PALD1: variants seen among roughly 807,000 people sequenced by gnomAD.
The protein encoded by PALD1 is phosphatase domain containing paladin 1.
Under a neutral mutation model 96.0 loss-of-function variants are expected in PALD1, and 57 were observed. The observed-to-expected ratio is 0.59, with a 90% CI of 0.48 to 0.74. The LOEUF (loss-of-function observed/expected upper bound fraction) is 0.74, where lower values mean the gene tolerates loss of function less well. Ranked by LOEUF, PALD1 falls within the 30% of genes least tolerant of loss-of-function variation. PALD1 has a pLI of 0.00. For synonymous variants in PALD1, 464 were observed against 473.6 expected (o/e 0.98, Z 0.26); for missense variants, 1,063 against 1,143.7 (o/e 0.93, Z 1.02).
At chr10:70,554,582 C>G (rs191503314) in intron 18 of PALD1, among the ~76,000 whole-genome samples, 231 of 152,262 alleles carry the variant, frequency 1.5e-3, no homozygotes, top group African/African-American at 5.4e-3. Flanking sequence ...GCGGTGACAC[C>G]CGCAGCAGAC....
At position 70,539,358 on chromosome 10, in the gene PALD1, C is replaced by T; in HGVS notation, c.1725+111C>T. The stretch of plus-strand genomic sequence containing the variant: ...CGCAGACAGATGGAGAATCTGAGGC[C>T]CCGGGAGGAGCAGTGTCAGGGAGTG... On this transcript the variant is annotated intron_variant, in intron 14 of 19. Coordinates refer to ENST00000263563, the MANE Select transcript of PALD1 (RefSeq NM_014431.3). The surrounding 1 kb of genome is among the most constrained non-coding windows in gnomAD (Gnocchi z 4.5). 8.3e-7 allele frequency: 1 copy of T among 1,211,828 alleles called. No homozygotes were observed. Among genetic ancestry groups the T allele is most frequent in the East Asian group, 2.6e-5 (1 of 39,154 alleles). 75.1% of individuals were successfully genotyped at this position (1,211,828 alleles called of 1,614,324 possible).
At chr10:70,491,984 G>A (rs532811438) in intron 1 of PALD1, among the ~76,000 whole-genome samples, 12 of 152,260 alleles carry the variant, frequency 7.9e-5, no homozygotes, top group Non-Finnish European at 1.8e-4. Flanking sequence ...TTGTTTATTC[G>A]TTTATTATTT....
the PALD1 span, among the ~76,000 whole-genome samples, chr10:70,465,697 G>A: frequency 5.9e-5 from 9 of 152,162 alleles, no homozygotes; most frequent in African/African-American, 1.7e-4. Flanking sequence ...CACTCAGGGA[G>A]GGGTGAAGCC....
chr10:70,531,225 G>T, intron 4 of PALD1, 65 bp from the exon 5 acceptor site: 2 of 1,378,888 alleles, frequency 1.5e-6, no homozygotes, highest in Non-Finnish European at 1.0e-6. Context: ...CTGAGGTGGG[G>T]CAGTGGTGCA....
intron 1 of PALD1, among the ~76,000 whole-genome samples, chr10:70,513,505 A>T (rs1846559476): frequency 6.6e-6 from 1 of 151,640 alleles, no homozygotes; most frequent in Non-Finnish European, 1.5e-5. Context: ...GTGAGAATCC[A>T]TCTCAAAAGA....
At position 70,538,911 on chromosome 10, in the gene PALD1, C is replaced by T. The variant is rs1847171993; in HGVS notation, c.1472C>T (p.Ser491Phe). 3 of 1,613,412 alleles carry T rather than the reference C, an allele frequency of 1.9e-6. No homozygotes were observed. The highest frequency in any genetic ancestry group is 1.3e-5 in the African/African-American group (1 of 75,066). ...CCACAGCGGGAGGACGATCTGGTCTCCCCGGACGCGCTCAGCACTGTCAGA... is the reference window on the plus strand; with the variant it reads ...CCACAGCGGGAGGACGATCTGGTCTTCCCGGACGCGCTCAGCACTGTCAGA... ...RGSLREDDLV[S>F]PDALSTVREM... Residue 491 changes from serine to phenylalanine, a missense_variant, in exon 13 of 20, where the codon TCC becomes TTC. Coordinates refer to ENST00000263563, the MANE Select transcript of PALD1 (RefSeq NM_014431.3).
At chr10:70,559,180 G>C (rs1847680351) in intron 18 of PALD1, among the ~76,000 whole-genome samples, 1 of 152,136 alleles carries the variant, frequency 6.6e-6, no homozygotes, top group African/African-American at 2.4e-5. Flanking sequence ...AGTGAGGGGT[G>C]GTTAGGCAGG....
intron 1 of PALD1, among the ~76,000 whole-genome samples, chr10:70,495,384 C>T (rs1014251090): frequency 6.6e-6 from 1 of 152,112 alleles, no homozygotes. Flanking sequence ...CATGAGGGTC[C>T]GGGTCTGTGC....
upstream of PALD1, among the ~76,000 whole-genome samples, chr10:70,478,044 G>GT (rs2132246219): frequency 6.6e-6 from 1 of 151,034 alleles, no homozygotes; most frequent in South Asian, 2.1e-4. Context: ...GTGAGGAGTG[G>GT]TGGGGGGGGC....
chr10:70,564,938 G>T (rs1259821571), intron 19 of PALD1, among the ~76,000 whole-genome samples: 1 of 152,234 alleles, frequency 6.6e-6, no homozygotes, highest in Non-Finnish European at 1.5e-5. Flanking sequence ...GGGTGAGGCT[G>T]TAGTGGCCCT....
At chr10:70,491,293 T>C (rs1846093715) in intron 1 of PALD1, among the ~76,000 whole-genome samples, 1 of 152,220 alleles carries the variant, frequency 6.6e-6, no homozygotes, top group Non-Finnish European at 1.5e-5. Context: ...AGATGGGCTT[T>C]ACTCACTTCA....
chr10:70,510,966 C>T (rs762445483), intron 1 of PALD1, among the ~76,000 whole-genome samples: 2 of 152,144 alleles, frequency 1.3e-5, no homozygotes, highest in Non-Finnish European at 2.9e-5. Context: ...GCAGGGATTA[C>T]GTTCTGTGAA....
At chr10:70,493,120 C>T (rs1846126942) in intron 1 of PALD1, among the ~76,000 whole-genome samples, 1 of 152,228 alleles carries the variant, frequency 6.6e-6, no homozygotes, top group African/African-American at 2.4e-5. Flanking sequence ...CCAGCTGCCG[C>T]TGCTGCTTCC....
chr10:70,527,078 T>C (rs1846883618), intron 2 of PALD1, among the ~76,000 whole-genome samples: 3 of 152,194 alleles, frequency 2.0e-5, no homozygotes, highest in Admixed American at 2.0e-4. Context: ...AGACTTGATA[T>C]GGAGTCTCTG....
intron 1 of PALD1, among the ~76,000 whole-genome samples, chr10:70,479,660 C>CG (rs1404553969): frequency 1.3e-5 from 2 of 152,142 alleles, no homozygotes; most frequent in Admixed American, 6.5e-5. Flanking sequence ...TGAAGGTGGC[C>CG]GGGATGGTTG....
At chr10:70,548,164 G>T (rs1231045047) in intron 18 of PALD1, among the ~76,000 whole-genome samples, 2 of 152,052 alleles carry the variant, frequency 1.3e-5, no homozygotes, top group African/African-American at 4.8e-5. Context: ...AATTAGCCGG[G>T]CATGGTGGCA....
intron 1 of PALD1, among the ~76,000 whole-genome samples, chr10:70,488,126 CTCT>C (rs1487647346): frequency 3.8e-5 from 1 of 26,416 alleles, no homozygotes; most frequent in East Asian, 3.7e-3. Flanking sequence ...AAATTTCTCT[CTCT>C]TTTTTTTTTT....
At chr10:70,566,347 A>T (rs1847852011) in intron 19 of PALD1, among the ~76,000 whole-genome samples, 1 of 152,186 alleles carries the variant, frequency 6.6e-6, no homozygotes, top group South Asian at 2.1e-4. Context: ...TGGAGCACTC[A>T]CTGTCTGCCC....
chr10:70,515,126 A>T (rs1404940951), intron 1 of PALD1, among the ~76,000 whole-genome samples: 1 of 152,118 alleles, frequency 6.6e-6, no homozygotes, highest in Non-Finnish European at 1.5e-5. Context: ...AGGTAAAGTG[A>T]TGGAGAGACT....
Sources: gnomAD v4.1 joint callset for allele counts (sites outside exome capture counted in the v4.1 genomes callset) on GRCh38, gnomAD v4.1.1 for gene constraint, Gnocchi (gnomAD v3.1) non-coding constraint, MANE v1.5 for transcripts, NCBI Gene and HGNC (gene_info 2026-07-23, HGNC 2026-07-21) for gene names.